RERE: variants seen among roughly 807,000 people sequenced by gnomAD.
The protein encoded by RERE is arginine-glutamic acid dipeptide repeats protein.
In RERE, 40 loss-of-function variants were observed where a neutral mutation model predicts 146.1. The observed-to-expected ratio is 0.27, with a 90% confidence interval of 0.21 to 0.36. RERE has a LOEUF of 0.36. Among genes scored for constraint, RERE ranks in the 10% least tolerant of loss-of-function variants. RERE has a pLI of 1.00. For missense variants in RERE, 1,933 were observed against 2,138.7 expected (o/e 0.90, Z 1.90); for synonymous variants, 1,003 against 866.0 (o/e 1.16, Z -2.78).
intron 7 of RERE, among the ~76,000 whole-genome samples, chr1:8,535,631 T>C (rs1645714632): frequency 6.6e-6 from 1 of 152,250 alleles, no homozygotes; most frequent in Non-Finnish European, 1.5e-5. Context: ...ATTAACATTA[T>C]TGCAGTTGTC....
chr1:8,677,425 C>CAAAAAAA (rs33947474), intron 1 of RERE, among the ~76,000 whole-genome samples: 1 of 93,742 alleles, frequency 1.1e-5, no homozygotes, highest in Non-Finnish European at 2.1e-5. Flanking sequence ...GTCTCCGTCT[C>CAAAAAAA]AAAAAAAAAA....
At chr1:8,666,612 T>C (rs1248041591) in intron 1 of RERE, among the ~76,000 whole-genome samples, 1 of 152,250 alleles carries the variant, frequency 6.6e-6, no homozygotes, top group Non-Finnish European at 1.5e-5. Context: ...CTCTAACACT[T>C]GTATTCACTG....
At chr1:8,597,714 TG>T (rs1646571864) in intron 4 of RERE, among the ~76,000 whole-genome samples, 1 of 152,138 alleles carries the variant, frequency 6.6e-6, no homozygotes, top group Non-Finnish European at 1.5e-5. Context: ...AAACAAGATC[TG>T]ATCTGGACAA....
intron 7 of RERE, among the ~76,000 whole-genome samples, chr1:8,521,708 C>T (rs1014256685): frequency 1.3e-5 from 2 of 152,120 alleles, no homozygotes; most frequent in East Asian, 1.9e-4. Context: ...AGGAACCTGT[C>T]GAATGTCACC....
intron 10 of RERE, among the ~76,000 whole-genome samples, chr1:8,473,782 A>T (rs1644720787): frequency 6.6e-6 from 1 of 152,230 alleles, no homozygotes; most frequent in Non-Finnish European, 1.5e-5. Flanking sequence ...GGTCACAGAA[A>T]AATGGAAAGT....
At chr1:8,571,611 T>C (rs1434141845) in intron 4 of RERE, among the ~76,000 whole-genome samples, 1 of 152,252 alleles carries the variant, frequency 6.6e-6, no homozygotes, top group Non-Finnish European at 1.5e-5. Context: ...TGTCTTATCT[T>C]AAATATCTTA....
intron 4 of RERE, among the ~76,000 whole-genome samples, chr1:8,609,902 G>A (rs966598469): frequency 6.6e-6 from 1 of 152,070 alleles, no homozygotes; most frequent in Non-Finnish European, 1.5e-5. Flanking sequence ...CTGAGTAGCT[G>A]CAACTGCAGA....
At chr1:8,563,754 C>T (rs1646105526) in intron 4 of RERE, among the ~76,000 whole-genome samples, 1 of 152,196 alleles carries the variant, frequency 6.6e-6, no homozygotes, top group Admixed American at 6.5e-5. Flanking sequence ...ATATAGCCAA[C>T]CAAGTTTCTC....
In RERE at chr1:8,386,458, C is replaced by T. The variant is rs145301740; in HGVS notation, c.1285-20484G>A. ...AAAGCCACACAAATAAGGGTTTCCA[C>T]TCCCTGGGCCTGAGCTCTGAAACCC... On this transcript the variant is annotated intron_variant, in intron 12 of 22. Coordinates refer to ENST00000400908, the MANE Select transcript of RERE (RefSeq NM_001042681.2). Among the ~76,000 whole-genome samples, 1,271 of 151,380 alleles carry T rather than the reference C, an allele frequency of 8.4e-3. 14 individuals carry two copies. Among genetic ancestry groups the T allele is most frequent in the African/African-American group, 0.029 (1,213 of 41,374 alleles).
chr1:8,740,538 A>T (rs1640286938), intron 1 of RERE, among the ~76,000 whole-genome samples: 1 of 152,190 alleles, frequency 6.6e-6, no homozygotes, highest in South Asian at 2.1e-4. Context: ...TACTTTATAA[A>T]CCATTTTTAA....
At chr1:8,536,123 C>A (rs10779703) in intron 7 of RERE, among the ~76,000 whole-genome samples, 1 of 150,178 alleles carries the variant, frequency 6.7e-6, no homozygotes, top group Non-Finnish European at 1.5e-5. Flanking sequence ...AAAAAAAAAT[C>A]AGATATTTTT....
intron 10 of RERE, among the ~76,000 whole-genome samples, chr1:8,468,328 G>C (rs1644631529): frequency 6.6e-6 from 1 of 152,124 alleles, no homozygotes; most frequent in African/African-American, 2.4e-5. Context: ...CTGAAATAAA[G>C]TCAGATTCTC....
intron 7 of RERE, among the ~76,000 whole-genome samples, chr1:8,513,970 T>C (rs904196055): frequency 1.3e-5 from 2 of 152,252 alleles, no homozygotes; most frequent in Non-Finnish European, 2.9e-5. Flanking sequence ...ATTGGTTTTA[T>C]AGAGAATGTC....
intron 4 of RERE, among the ~76,000 whole-genome samples, chr1:8,594,893 C>G (rs1646537050): frequency 6.6e-6 from 1 of 152,072 alleles, no homozygotes; most frequent in African/African-American, 2.4e-5. Context: ...CACAGTGGCT[C>G]ACACCTGTTA....
intron 4 of RERE, among the ~76,000 whole-genome samples, chr1:8,558,176 T>G (rs1570436449): frequency 6.6e-6 from 1 of 152,252 alleles, no homozygotes; most frequent in African/African-American, 2.4e-5. Context: ...TAAAATTATT[T>G]GTGAATAATG....
intron 1 of RERE, among the ~76,000 whole-genome samples, chr1:8,782,305 T>C (rs1316762417): frequency 6.6e-6 from 1 of 152,098 alleles, no homozygotes; most frequent in Non-Finnish European, 1.5e-5. Context: ...CCATATAATA[T>C]AGTCTATGAT....
chr1:8,750,894 A>C (rs1193002048), intron 1 of RERE: 1 of 826,502 alleles, frequency 1.2e-6, no homozygotes, highest in Non-Finnish European at 2.1e-6. Flanking sequence ...CTAATCTACA[A>C]GCATAGTTAT....
At position 8,793,174 on chromosome 1, in the gene RERE, AAAAG is replaced by A. The variant is rs58369389; in HGVS notation, c.-145+23982_-145+23985del. Among the ~76,000 whole-genome samples, 175 of 127,074 alleles carry A rather than the reference AAAAG, an allele frequency of 1.4e-3. 2 individuals carry two copies. Among genetic ancestry groups the A allele is most frequent in the South Asian group, 0.011 (44 of 4,136 alleles). 83.4% of individuals were successfully genotyped at this position (127,074 alleles called of 152,430 possible). A position where few individuals can be genotyped will look rare whatever the true frequency, so the allele number is the denominator to read the frequency against. ...TCCATCTCCAAAAAAAAAAAAAAAA[AAAAG>A]AAAGAAAGAAAGAAAGAAGGCTCTA... On this transcript the variant is annotated intron_variant, in intron 1 of 22. Coordinates refer to ENST00000400908, the MANE Select transcript of RERE (RefSeq NM_001042681.2).
chr1:8,569,705 A>C (rs1453406251), intron 4 of RERE, among the ~76,000 whole-genome samples: 1 of 152,166 alleles, frequency 6.6e-6, no homozygotes, highest in Non-Finnish European at 1.5e-5. Context: ...TAACTTGGAC[A>C]ACAAAGTCAG....
Sources: allele counts gnomAD v4.1 joint callset (sites outside exome capture counted in the v4.1 genomes callset), GRCh38; gene constraint gnomAD v4.1.1; transcripts MANE v1.5; gene names NCBI Gene and HGNC (gene_info 2026-07-23, HGNC 2026-07-21).